TASP1: variants seen among roughly 807,000 people sequenced by gnomAD.
The protein encoded by TASP1 is taspase 1.
A neutral mutation model predicts 56.6 loss-of-function variants in TASP1; 16 were observed. That is an observed-to-expected ratio of 0.28 (90% confidence interval 0.19 to 0.43). The LOEUF is 0.43. Ranked by LOEUF, TASP1 falls within the 20% of genes least tolerant of loss-of-function variation. The pLI, the probability that TASP1 is intolerant of heterozygous loss-of-function variation, is 1.00. For synonymous variants in TASP1, 179 were observed against 184.2 expected, an observed-to-expected ratio of 0.97 and a Z score of 0.23; for missense variants, 393 against 511.6, an observed-to-expected ratio of 0.77 and a Z score of 2.24.
chr20:13,107,461 T>C, the TASP1 span, among the ~76,000 whole-genome samples: 1 of 152,192 alleles, frequency 6.6e-6, no homozygotes, highest in Non-Finnish European at 1.5e-5. Context: ...TGTTGAATTG[T>C]GTCAAATGCT....
the TASP1 span, among the ~76,000 whole-genome samples, chr20:13,180,934 A>G: frequency 1.3e-5 from 2 of 152,226 alleles, no homozygotes; most frequent in Admixed American, 6.5e-5. Context: ...TAATAAAAAG[A>G]GTCATGACAT....
the TASP1 span, among the ~76,000 whole-genome samples, chr20:13,134,669 A>T: frequency 6.6e-6 from 1 of 152,316 alleles, no homozygotes; most frequent in South Asian, 2.1e-4. Flanking sequence ...CCATGTTTCT[A>T]CGTAACAGAA....
At chr20:13,185,971 A>C in the TASP1 span, among the ~76,000 whole-genome samples, 2 of 152,168 alleles carry the variant, frequency 1.3e-5, no homozygotes. Context: ...TGACTCCAAA[A>C]TCTGGGCATC....
the TASP1 span, among the ~76,000 whole-genome samples, chr20:13,121,793 C>A: frequency 6.6e-6 from 1 of 152,138 alleles, no homozygotes; most frequent in Non-Finnish European, 1.5e-5. Flanking sequence ...GAAACTCAGA[C>A]CCTGAGAGAA....
the TASP1 span, among the ~76,000 whole-genome samples, chr20:13,242,469 G>A: frequency 2.0e-5 from 3 of 152,172 alleles, no homozygotes; most frequent in Non-Finnish European, 4.4e-5. Context: ...CAGAGAAGTG[G>A]AAAATGAGAG....
At chr20:13,367,498 T>C in the TASP1 span, among the ~76,000 whole-genome samples, 4 of 152,208 alleles carry the variant, frequency 2.6e-5, no homozygotes, top group African/African-American at 7.2e-5. Flanking sequence ...TCACTCAGCT[T>C]AGACCAATGA....
chr20:13,545,471 T>C (rs935019706), intron 8 of TASP1, among the ~76,000 whole-genome samples: 4 of 152,154 alleles, frequency 2.6e-5, no homozygotes, highest in African/African-American at 9.7e-5. Context: ...CAAATAAAAG[T>C]AGCATGATAT....
the TASP1 span, among the ~76,000 whole-genome samples, chr20:13,200,712 C>T: frequency 3.9e-5 from 6 of 152,150 alleles, no homozygotes; most frequent in South Asian, 4.1e-4. Flanking sequence ...AAAACACCAA[C>T]GGAGTGGCCA....
At chr20:13,176,074 T>C in the TASP1 span, among the ~76,000 whole-genome samples, 1 of 152,178 alleles carries the variant, frequency 6.6e-6, no homozygotes, top group Non-Finnish European at 1.5e-5. Flanking sequence ...TAGACTCACC[T>C]TAAGAGAAAA....
the TASP1 span, among the ~76,000 whole-genome samples, chr20:13,137,515 T>C: frequency 6.6e-6 from 1 of 152,170 alleles, no homozygotes; most frequent in East Asian, 1.9e-4. Flanking sequence ...GTGTTATATT[T>C]TATGATGATA....
chr20:13,228,242 G>A, the TASP1 span, among the ~76,000 whole-genome samples: 4 of 151,592 alleles, frequency 2.6e-5, no homozygotes, highest in Non-Finnish European at 5.9e-5. Flanking sequence ...CAAAATGCTG[G>A]GATTACAGGT....
At chr20:13,293,034 C>T in the TASP1 span, among the ~76,000 whole-genome samples, 6 of 151,798 alleles carry the variant, frequency 4.0e-5, no homozygotes, top group African/African-American at 1.5e-4. Flanking sequence ...CCCGTCTCTA[C>T]TAAAAATACA....
At chr20:13,526,984 A>G (rs2045004815) in intron 10 of TASP1, among the ~76,000 whole-genome samples, 1 of 152,162 alleles carries the variant, frequency 6.6e-6, no homozygotes, top group Non-Finnish European at 1.5e-5. Flanking sequence ...ATGCACCTCA[A>G]AAGTCCAAAG....
At chr20:13,552,842 A>G (rs2046024647) in intron 8 of TASP1, among the ~76,000 whole-genome samples, 1 of 152,188 alleles carries the variant, frequency 6.6e-6, no homozygotes, top group South Asian at 2.1e-4. Flanking sequence ...TACTAAGTAA[A>G]TATTGGTTTT....
chr20:13,608,751 G>C (rs544500854), intron 4 of TASP1, among the ~76,000 whole-genome samples: 1 of 152,334 alleles, frequency 6.6e-6, no homozygotes, highest in Admixed American at 6.5e-5. Flanking sequence ...TGGCTTTCTG[G>C]CCATAGTTGG....
At chr20:13,419,237 GA>G (rs369087494) in intron 12 of TASP1, among the ~76,000 whole-genome samples, 3 of 151,996 alleles carry the variant, frequency 2.0e-5, no homozygotes, top group Admixed American at 6.6e-5. Context: ...ATAGTTCAGG[GA>G]AAAAAATGCA....
chr20:13,247,754 G>C, the TASP1 span, among the ~76,000 whole-genome samples: 4 of 152,146 alleles, frequency 2.6e-5, no homozygotes, highest in African/African-American at 7.2e-5. Flanking sequence ...ACGACAGGAA[G>C]TGACTTACAG....
chr20:13,589,787 GGGAAA>G (rs1287838442), intron 4 of TASP1, among the ~76,000 whole-genome samples: 1 of 151,986 alleles, frequency 6.6e-6, no homozygotes, highest in Non-Finnish European at 1.5e-5. Context: ...ATTTAAAAAT[GGGAAA>G]AGAATATGAA....
At chr20:13,354,772 G>A in the TASP1 span, among the ~76,000 whole-genome samples, 1 of 152,076 alleles carries the variant, frequency 6.6e-6, no homozygotes, top group Admixed American at 6.6e-5. Flanking sequence ...ATCAAAACAG[G>A]GTGATGGAGG....
Sources: gnomAD v4.1 joint callset for allele counts (sites outside exome capture counted in the v4.1 genomes callset) on GRCh38, gnomAD v4.1.1 for gene constraint, MANE v1.5 for transcripts, NCBI Gene and HGNC (gene_info 2026-07-23, HGNC 2026-07-21) for gene names.